SEC61A2: variants seen among roughly 807,000 people sequenced by gnomAD.
SEC61A2 encodes the protein SEC61 translocon subunit alpha 2.
In SEC61A2, 28 loss-of-function variants were observed where a neutral mutation model predicts 59.9. The observed-to-expected ratio is 0.47, with a 90% confidence interval of 0.35 to 0.64. The LOEUF (loss-of-function observed/expected upper bound fraction) is 0.64. Ranked by LOEUF, SEC61A2 falls within the 30% of genes least tolerant of loss-of-function variation. The pLI, the probability that SEC61A2 is intolerant of heterozygous loss-of-function variation, is 0.01. For synonymous variants in SEC61A2, 202 were observed against 214.4 expected, an observed-to-expected ratio of 0.94 and a Z score of 0.50; for missense variants, 340 against 585.9, an observed-to-expected ratio of 0.58 and a Z score of 4.33.
Position 12,164,846 on chromosome 10 carries a change from G to T in SEC61A2, c.*392G>T. 1 of 1,002,332 alleles carries T rather than the reference G, an allele frequency of 1.0e-6. No homozygotes were observed. Among genetic ancestry groups the T allele is most frequent in the South Asian group, 4.2e-5 (1 of 23,656 alleles). 62.1% of individuals were successfully genotyped at this position (1,002,332 alleles called of 1,614,324 possible). ...AATTGCCACTTTCCAGTATTTTTGAGCTTATTTAATGAGTTCTGGAACATT... is the reference window on the plus strand; with the variant it reads ...AATTGCCACTTTCCAGTATTTTTGATCTTATTTAATGAGTTCTGGAACATT... On this transcript the variant is annotated 3_prime_UTR_variant, in exon 12 of 12. Coordinates refer to ENST00000298428, the MANE Select transcript of SEC61A2 (RefSeq NM_018144.4). This position sits in a 1 kb window ranked among gnomAD's most constrained non-coding sequence, Gnocchi z 7.3.
At chr10:12,150,066 G>T in intron 6 of SEC61A2, 105 bp downstream of exon 6, 2 of 765,418 alleles carry the variant, frequency 2.6e-6, no homozygotes, top group East Asian at 2.7e-5. Flanking sequence ...TCTTACTTTT[G>T]AATTATTTAA....
intron 2 of SEC61A2, 85 bp downstream of exon 2, chr10:12,133,393 C>A: frequency 1.5e-6 from 1 of 667,146 alleles, no homozygotes; most frequent in East Asian, 2.7e-5. Context: ...TACCTCAGTC[C>A]TTCTCTGTTG....
chr10:12,162,632 T>G lies in SEC61A2; in HGVS notation c.1244+343T>G, dbSNP rs1294753978. Among the ~76,000 whole-genome samples the G allele has an allele frequency of 6.6e-6, 1 of 152,244 alleles. No homozygotes were observed. Among genetic ancestry groups the G allele is most frequent in the Non-Finnish European group, 1.5e-5 (1 of 68,042 alleles). ...GGGGTGAGTTCCAGGCATCAGGGTTTTATTTTTTGGTAACAGCTTTATTGA... is the reference window on the plus strand; with the variant it reads ...GGGGTGAGTTCCAGGCATCAGGGTTGTATTTTTTGGTAACAGCTTTATTGA... On this transcript the variant is annotated intron_variant, in intron 11 of 11. Transcript: ENST00000298428. The surrounding 1 kb of genome is among the most constrained non-coding windows in gnomAD (Gnocchi z 6.1).
downstream of SEC61A2, chr10:12,167,168 G>T (rs1834720226): frequency 6.3e-6 from 1 of 159,070 alleles, no homozygotes; most frequent in African/African-American, 2.4e-5. Flanking sequence ...ACTAGTAGAG[G>T]ATTCTATCGA....
At chr10:12,137,967 T>C (rs1156635534) in intron 3 of SEC61A2, among the ~76,000 whole-genome samples, 1 of 152,086 alleles carries the variant, frequency 6.6e-6, no homozygotes, top group Non-Finnish European at 1.5e-5. Context: ...GATCACGCCA[T>C]TGCACTCAAA....
chr10:12,164,079 T>G lies in SEC61A2; in HGVS notation c.1245-189T>G, dbSNP rs758618890. On this transcript the variant is annotated intron_variant, in intron 11 of 11. Coordinates refer to ENST00000298428, the MANE Select transcript of SEC61A2 (RefSeq NM_018144.4). This position sits in a 1 kb window ranked among gnomAD's most constrained non-coding sequence, Gnocchi z 7.3. ...TTCCTGGAAATTAGGGTCAGAGTCT[T>G]TGCCTGGATCAGAGCTCCTGTTCCC... 2.0e-5 allele frequency among the ~76,000 whole-genome samples: 3 copies of G among 152,240 alleles called. No homozygotes were observed. The highest frequency in any genetic ancestry group is 4.4e-5 in the Non-Finnish European group (3 of 68,034).
chr10:12,156,020 G>A lies in SEC61A2; in HGVS notation c.616+89G>A, dbSNP rs3758376. The A allele has an allele frequency of 0.42, 583,856 of 1,400,040 alleles. 123,502 individuals are homozygous for A. The highest frequency in any genetic ancestry group is 0.52 in the East Asian group (22,554 of 43,564). 86.7% of individuals were successfully genotyped at this position (1,400,040 alleles called of 1,614,324 possible). A position where few individuals can be genotyped will look rare whatever the true frequency, so the allele number is the denominator to read the frequency against. On this transcript the variant is annotated intron_variant, in intron 7 of 11. Coordinates refer to ENST00000298428, the MANE Select transcript of SEC61A2 (RefSeq NM_018144.4). The surrounding 1 kb of genome is among the most constrained non-coding windows in gnomAD (Gnocchi z 5.2). ...CGTGTCGCAGTACATGCCTAGAGCC[G>A]TTCTGGTTTGCTCTCCTAGGGGATA...
intron 3 of SEC61A2, among the ~76,000 whole-genome samples, chr10:12,136,486 G>T (rs1014194971): frequency 3.3e-5 from 5 of 151,678 alleles, no homozygotes; most frequent in African/African-American, 1.2e-4. Context: ...GTCTCGCTCT[G>T]TTGCCCAAGC....
intron 1 of SEC61A2, among the ~76,000 whole-genome samples, chr10:12,131,944 TTCTC>T (rs1833752703): frequency 0.02 from 61 of 3,050 alleles, 5 homozygotes; most frequent in Non-Finnish European, 0.025. Context: ...TGATCCGCCT[TTCTC>T]GGCCTCCCAA....
intron 6 of SEC61A2, 135 bp downstream of exon 6, chr10:12,150,096 G>T: frequency 3.2e-6 from 2 of 631,644 alleles, no homozygotes; most frequent in Non-Finnish European, 5.3e-6. Context: ...TTTGATCACT[G>T]AAGTGATACG....
At position 12,152,842 on chromosome 10, in the gene SEC61A2, C is replaced by A. The variant is rs1834309311; in HGVS notation, c.462+2881C>A. ...GTTGCAGTGAGCTGAGATTGCACCA[C>A]TGCACTCCAGCCTGGCGACAGAGCG... On this transcript the variant is annotated intron_variant, in intron 6 of 11. Transcript: ENST00000298428. The surrounding 1 kb of genome is among the most constrained non-coding windows in gnomAD (Gnocchi z 5.5). Among the ~76,000 whole-genome samples the A allele has an allele frequency of 6.6e-6, 1 of 152,094 alleles. No individual in the cohort carries two copies. Among genetic ancestry groups the A allele is most frequent in the South Asian group, 2.1e-4 (1 of 4,824 alleles).
chr10:12,134,878 C>G (rs1319336699), intron 2 of SEC61A2, among the ~76,000 whole-genome samples: 1 of 150,948 alleles, frequency 6.6e-6, no homozygotes, highest in Non-Finnish European at 1.5e-5. Flanking sequence ...GAGACTGCGC[C>G]ACTGCGCTGC....
chr10:12,159,131 C>T (rs1834474189), intron 9 of SEC61A2, among the ~76,000 whole-genome samples: 2 of 151,916 alleles, frequency 1.3e-5, no homozygotes, highest in African/African-American at 4.8e-5. Context: ...GCGCCCGCCA[C>T]CACGCCCAGC....
At chr10:12,137,928 C>T (rs1019766840) in intron 3 of SEC61A2, among the ~76,000 whole-genome samples, 2 of 152,120 alleles carry the variant, frequency 1.3e-5, no homozygotes, top group African/African-American at 4.8e-5. Flanking sequence ...ACCACTTGAA[C>T]CCAGGTGGTG....
rs1473374150 is a variant in SEC61A2, at chr10:12,161,210, G to A, written c.1167+89G>A. ...CGTAGCACTTTGGCAGGCTGAGGCC[G>A]CTGGATCGCTTCACCTCAGGAGTTT... On this transcript the variant is annotated intron_variant, in intron 10 of 11. Transcript: ENST00000298428. The surrounding 1 kb of genome is among the most constrained non-coding windows in gnomAD (Gnocchi z 5.4). 24 of 1,014,472 alleles carry A rather than the reference G, an allele frequency of 2.4e-5. No homozygotes were observed. The highest frequency in any genetic ancestry group is 5.1e-5 in the South Asian group (3 of 58,834). 62.8% of individuals were successfully genotyped at this position (1,014,472 alleles called of 1,614,324 possible).
rs1422978828 is a variant in SEC61A2 at position 12,160,801 on chromosome 10, A to G, written c.976-129A>G. 5.6e-6 allele frequency: 4 copies of G among 708,536 alleles called. No homozygotes were observed. The South Asian group carries it at 8.6e-5, about 15-fold the overall frequency. 43.9% of individuals were successfully genotyped at this position (708,536 alleles called of 1,614,324 possible). On this transcript the variant is annotated intron_variant, in intron 9 of 11. Transcript: ENST00000298428. The surrounding 1 kb of genome is among the most constrained non-coding windows in gnomAD (Gnocchi z 4.1). ...AGACACAAAAGTACATTCTGAAACT[A>G]CATAGAATGACTAGCTGTAGATGCC...
downstream of SEC61A2, chr10:12,167,527 G>T: frequency 1.8e-6 from 1 of 567,004 alleles, no homozygotes; most frequent in Non-Finnish European, 3.0e-6. Flanking sequence ...CAAATTTAAA[G>T]GAAGGTCACA....
At chr10:12,168,027 A>ATTT (rs34620432), downstream of SEC61A2, 352 of 615,438 alleles carry the variant, frequency 5.7e-4, no homozygotes, top group East Asian at 6.1e-4. This position sits in a 1 kb window ranked among gnomAD's most constrained non-coding sequence, Gnocchi z 4.8. Flanking sequence ...AGGGATAATG[A>ATTT]TTTTTTTTTT....
chr10:12,143,022 A>G lies in SEC61A2; in HGVS notation c.142-95A>G. ...GGCTGGAGTGCAGTGGCGTGATCTC[A>G]GCTCACTGCAGCCTTTGCCTCCTGG... On this transcript the variant is annotated intron_variant, in intron 3 of 11. Transcript: ENST00000298428. This position sits in a 1 kb window ranked among gnomAD's most constrained non-coding sequence, Gnocchi z 4.8. 2.2e-6 allele frequency: 2 copies of G among 889,228 alleles called. 1 individual carries two copies. The highest frequency in any genetic ancestry group is 2.7e-5 in the South Asian group (2 of 74,146). The allele number at this position is 889,228 out of a possible 1,614,324, so 55.1% of individuals were successfully genotyped here.
Sources: allele counts gnomAD v4.1 joint callset (sites outside exome capture counted in the v4.1 genomes callset), GRCh38; gene constraint gnomAD v4.1.1; non-coding constraint Gnocchi (gnomAD v3.1); transcripts MANE v1.5; gene names NCBI Gene and HGNC (gene_info 2026-07-23, HGNC 2026-07-21).